Variants in PCDH10 observed in about 807,000 individuals in gnomAD.
The protein encoded by PCDH10 is protocadherin-10.
PCDH10 carries 15 observed loss-of-function variants against 74.4 expected under a neutral mutation model. The ratio of observed to expected loss-of-function variants is 0.20; its 90% confidence interval spans 0.13 to 0.31. The LOEUF (loss-of-function observed/expected upper bound fraction) is 0.31. PCDH10 is among the 10% of genes least tolerant of loss of function. PCDH10 has a pLI of 1.00. For missense variants in PCDH10, 1,260 were observed against 1,390.2 expected, an observed-to-expected ratio of 0.91 and a Z score of 1.49; for synonymous variants, 619 against 589.8, an observed-to-expected ratio of 1.05 and a Z score of -0.72.
chr4:133,154,008 T>C (rs1445041452), intron 1 of PCDH10: 6 of 314,546 alleles, frequency 1.9e-5, no homozygotes, highest in African/African-American at 4.5e-5. Context: ...TTAGAGACAA[T>C]AGTATATGAG....
At chr4:133,205,893 A>AT in intron 2 of PCDH10, among the ~76,000 whole-genome samples, 4 of 152,168 alleles carry the variant, frequency 2.6e-5, no homozygotes, top group African/African-American at 9.6e-5. Flanking sequence ...TATTGATGAC[A>AT]GTTTATTTTT....
At chr4:133,199,871 C>T (rs898350918) in intron 2 of PCDH10, among the ~76,000 whole-genome samples, 2 of 150,550 alleles carry the variant, frequency 1.3e-5, no homozygotes, top group Non-Finnish European at 3.0e-5. Context: ...GATCTCGGCT[C>T]ACTGCAAGTT....
chr4:133,205,028 G>C (rs1333529391), intron 2 of PCDH10, among the ~76,000 whole-genome samples: 2 of 152,146 alleles, frequency 1.3e-5, no homozygotes, highest in Non-Finnish European at 2.9e-5. Flanking sequence ...AATTCCCTGT[G>C]TTAGCAGGGA....
rs1320741791 is a variant in PCDH10 at position 133,152,488 on chromosome 4, G to A, written c.2348G>A (p.Ser783Asn). 3 of 1,614,034 alleles carry A rather than the reference G, an allele frequency of 1.9e-6. No individual in the cohort carries two copies. Among genetic ancestry groups the A allele is most frequent in the Non-Finnish European group, 2.5e-6 (3 of 1,180,026 alleles). ...GCCCGGGCGCGCAAGAAGAAACTCA[G>A]CAAGTCAGACATCATGCTGGTGCAG... is the stretch of plus-strand genomic sequence containing the variant. The part of the protein sequence containing the change: ...RQARARKKKL[S>N]KSDIMLVQSS... The change falls in exon 1 of 5, where the codon AGC (serine) becomes AAC (asparagine). Residue 783 changes from serine to asparagine, a missense_variant. By Grantham distance (46) the Ser-to-Asn change is conservative. This residue lies in a region of PCDH10 where 587 missense variants were observed against 616.9 expected (regional missense o/e 0.95). Coordinates refer to ENST00000264360, the MANE Select transcript of PCDH10 (RefSeq NM_032961.3).
At chr4:133,160,183 TC>T (rs1440653615) in intron 3 of PCDH10, among the ~76,000 whole-genome samples, 8 of 151,970 alleles carry the variant, frequency 5.3e-5, no homozygotes, top group Admixed American at 5.2e-4. Context: ...TGATTTTTCT[TC>T]CTGAGAAATA....
chr4:133,178,402 A>C (rs918222656), intron 4 of PCDH10, among the ~76,000 whole-genome samples: 1 of 151,738 alleles, frequency 6.6e-6, no homozygotes, highest in African/African-American at 2.4e-5. Flanking sequence ...ACGACCGGCT[A>C]ATTTTGTATA....
chr4:133,152,384 C>G lies in PCDH10; in HGVS notation c.2244C>G (p.Ile748Met). The G allele has an allele frequency of 1.2e-6, 2 of 1,614,212 alleles. No individual in the cohort carries two copies. Among genetic ancestry groups the G allele is most frequent in the East Asian group, 2.2e-5 (1 of 44,874 alleles). The change falls in exon 1 of 5, where the codon ATC becomes ATG. Residue 748 changes from isoleucine to methionine, a missense_variant. Ile to Met is a conservative substitution (Grantham distance 10, BLOSUM62 1). This residue lies in a region of PCDH10 where 587 missense variants were observed against 616.9 expected (regional missense o/e 0.95). Coordinates refer to ENST00000264360, the MANE Select transcript of PCDH10 (RefSeq NM_032961.3). ...VRCQKEKKLN[I>M]YTCLASDCCL... Reference sequence around the variant, plus strand: ...GCCAAAAAGAGAAGAAGCTCAACATCTATACTTGTCTGGCCAGCGATTGCT... The same window carrying G: ...GCCAAAAAGAGAAGAAGCTCAACATGTATACTTGTCTGGCCAGCGATTGCT...
chr4:133,199,544 G>C (rs1030879879), downstream of PCDH10, among the ~76,000 whole-genome samples: 1 of 149,970 alleles, frequency 6.7e-6, no homozygotes, highest in African/African-American at 2.4e-5. Flanking sequence ...GTCAGCTGAT[G>C]AAGGTGAGGG....
At position 133,193,331 on chromosome 4, in the gene PCDH10, A is replaced by G. The variant is rs555652219; in HGVS notation, c.*3171A>G. 1.1e-3 allele frequency: 172 copies of G among 151,800 alleles called. 2 individuals carry two copies. The highest frequency in any genetic ancestry group is 3.9e-3 in the African/African-American group (162 of 41,544). The allele number at this position is 151,800 out of a possible 1,614,324, so 9.4% of individuals were successfully genotyped here. A position where few individuals can be genotyped will look rare whatever the true frequency, so the allele number is the denominator to read the frequency against. On this transcript the variant is annotated 3_prime_UTR_variant, in exon 5 of 5. Coordinates refer to ENST00000264360, the MANE Select transcript of PCDH10 (RefSeq NM_032961.3). Reference sequence around the variant, plus strand: ...TATGTGTATTTTATTTTTTAAAGATATTAAATGCACTGCCTTTATCAAACA... The same window carrying G: ...TATGTGTATTTTATTTTTTAAAGATGTTAAATGCACTGCCTTTATCAAACA...
chr4:133,199,501 A>G (rs1727860027), downstream of PCDH10, among the ~76,000 whole-genome samples: 1 of 150,380 alleles, frequency 6.6e-6, no homozygotes, highest in Non-Finnish European at 1.5e-5. Context: ...GGGGGGACAA[A>G]TAGGATGTAC....
At chr4:133,156,228 T>C (rs1329678093) in intron 3 of PCDH10, among the ~76,000 whole-genome samples, 1 of 152,222 alleles carries the variant, frequency 6.6e-6, no homozygotes, top group East Asian at 1.9e-4. Flanking sequence ...CAGTGGTTGC[T>C]ACAAGCCTCT....
intron 2 of PCDH10, among the ~76,000 whole-genome samples, chr4:133,206,191 C>T (rs1235994260): frequency 1.3e-5 from 2 of 151,976 alleles, no homozygotes; most frequent in Non-Finnish European, 2.9e-5. Flanking sequence ...GAGGTGTAAG[C>T]CTGGGTACTT....
rs1727736924 is a variant in PCDH10, at chr4:133,193,930, C to T, written c.*3770C>T. 2 of 151,540 alleles carry T rather than the reference C, an allele frequency of 1.3e-5. No individual in the cohort carries two copies. The highest frequency in any genetic ancestry group is 6.6e-5 in the Admixed American group (1 of 15,188). 9.4% of individuals were successfully genotyped at this position (151,540 alleles called of 1,614,324 possible). ...TAATGGAATTCCATATTTTTTACAC[C>T]ATGGAGTAGTAAAATTATTTTATAT... On this transcript the variant is annotated 3_prime_UTR_variant, in exon 5 of 5. Transcript: ENST00000264360.
At chr4:133,202,360 CT>C (rs1485340999) in intron 2 of PCDH10, among the ~76,000 whole-genome samples, 4 of 152,198 alleles carry the variant, frequency 2.6e-5, no homozygotes, top group African/African-American at 9.7e-5. Flanking sequence ...CTTAATTAAA[CT>C]AGCGGCTCGA....
chr4:133,198,490 G>T (rs180727090), downstream of PCDH10, among the ~76,000 whole-genome samples: 2 of 152,200 alleles, frequency 1.3e-5, no homozygotes, highest in Admixed American at 1.3e-4. Context: ...TTTAAAATGT[G>T]GTAATATCAA....
intron 4 of PCDH10, among the ~76,000 whole-genome samples, chr4:133,186,650 G>A (rs996703679): frequency 2.0e-5 from 3 of 151,810 alleles, no homozygotes; most frequent in African/African-American, 7.3e-5. Flanking sequence ...TTTTTTTTGT[G>A]GGGAGGGTCA....
intron 3 of PCDH10, among the ~76,000 whole-genome samples, chr4:133,160,020 G>T (rs17020380): frequency 0.054 from 8,241 of 151,900 alleles, 576 homozygotes; most frequent in African/African-American, 0.17. Context: ...ATCTTCCAAA[G>T]GTGAGGAATC....
downstream of PCDH10, among the ~76,000 whole-genome samples, chr4:133,198,021 A>G (rs936497805): frequency 6.7e-6 from 1 of 148,964 alleles, no homozygotes; most frequent in Admixed American, 6.8e-5. Flanking sequence ...GGGAAAGGTA[A>G]TAACAGGCTC....
chr4:133,201,930 T>C (rs1368595749), intron 2 of PCDH10, among the ~76,000 whole-genome samples: 2 of 151,462 alleles, frequency 1.3e-5, no homozygotes, highest in Non-Finnish European at 2.9e-5. Flanking sequence ...TAGGGGAATC[T>C]TATCTTTGGG....
Sources: gnomAD v4.1 joint callset for allele counts (sites outside exome capture counted in the v4.1 genomes callset) on GRCh38, gnomAD v4.1.1 for gene constraint, gnomAD v4.1.1 regional missense constraint, MANE v1.5 for transcripts, NCBI Gene and HGNC (gene_info 2026-07-23, HGNC 2026-07-21) for gene names.